ATRNL1: variants seen among roughly 807,000 people sequenced by gnomAD.
ATRNL1 encodes attractin-like protein 1.
In ATRNL1, 95 loss-of-function variants were observed where a neutral mutation model predicts 182.7. The ratio of observed to expected loss-of-function variants is 0.52; its 90% CI spans 0.44 to 0.62. ATRNL1 has a LOEUF of 0.62. Among genes scored for constraint, ATRNL1 ranks in the 20% least tolerant of loss-of-function variants. The probability of loss-of-function intolerance (pLI) is 0.00; values close to 1 mark genes in which losing one functional copy is unlikely to be tolerated. For missense variants in ATRNL1, 1,471 were observed against 1,679.5 expected, an observed-to-expected ratio of 0.88 and a Z score of 2.17; for synonymous variants, 576 against 568.3, an observed-to-expected ratio of 1.01 and a Z score of -0.19.
At chr10:115,856,492 G>A (rs1249751005) in intron 28 of ATRNL1, among the ~76,000 whole-genome samples, 1 of 141,346 alleles carries the variant, frequency 7.1e-6, no homozygotes, top group Non-Finnish European at 1.5e-5. Flanking sequence ...TTTGCACCAT[G>A]CTGTCCTTTG....
chr10:115,730,221 C>T (rs1038655604), intron 27 of ATRNL1, among the ~76,000 whole-genome samples: 1 of 127,720 alleles, frequency 7.8e-6, no homozygotes, highest in Non-Finnish European at 1.6e-5. Context: ...TGCACCACTG[C>T]ACTCCAGCCT....
intron 8 of ATRNL1, among the ~76,000 whole-genome samples, chr10:115,185,237 G>C (rs1375680136): frequency 6.6e-6 from 1 of 152,000 alleles, no homozygotes; most frequent in East Asian, 1.9e-4. Context: ...GTAGTAGTGA[G>C]CACACTGAGC....
rs551305158 is a variant in ATRNL1 at position 115,738,274 on chromosome 10, G to A, written c.3903+10919G>A. On this transcript the variant is annotated intron_variant, in intron 27 of 28. Transcript: ENST00000355044. The stretch of plus-strand genomic sequence containing the variant: ...CTGCCTCAGCCCCAGTCTGTAGCTG[G>A]GGTTATAGACACCCACTACAATGCC... Among the ~76,000 whole-genome samples the A allele has an allele frequency of 8.6e-3, 1,293 of 150,860 alleles. 25 individuals are homozygous for A. Among genetic ancestry groups the A allele is most frequent in the African/African-American group, 0.03 (1,234 of 41,062 alleles).
chr10:115,225,878 A>C (rs1405119806), intron 9 of ATRNL1, among the ~76,000 whole-genome samples: 1 of 150,914 alleles, frequency 6.6e-6, no homozygotes, highest in Non-Finnish European at 1.5e-5. Flanking sequence ...GTGATTCTAA[A>C]ATTTATACAA....
rs376949539 is a variant in ATRNL1, at chr10:115,394,782, G to A, written c.3269+30G>A. The A allele has an allele frequency of 1.1e-4, 163 of 1,495,876 alleles. 1 individual carries two copies. The South Asian group carries it at 1.5e-3, about 13-fold the overall frequency. The allele number at this position is 1,495,876 out of a possible 1,614,324, so 92.7% of individuals were successfully genotyped here. On this transcript the variant is annotated intron_variant, in intron 20 of 28. Coordinates refer to ENST00000355044, the MANE Select transcript of ATRNL1 (RefSeq NM_207303.4). ...GTAAGAATGACTTTTTAGAACTTTC[G>A]TGGATTGAATTTGTGTTGTTGAAGT...
intron 5 of ATRNL1, among the ~76,000 whole-genome samples, chr10:115,138,043 G>T (rs903526215): frequency 6.6e-6 from 1 of 152,220 alleles, no homozygotes; most frequent in Admixed American, 6.5e-5. Context: ...CCTCATGCAA[G>T]TCTGAAATCC....
chr10:115,175,010 A>AT (rs1308759159), intron 8 of ATRNL1, among the ~76,000 whole-genome samples: 1 of 151,922 alleles, frequency 6.6e-6, no homozygotes, highest in Non-Finnish European at 1.5e-5. Context: ...CACGGAGCAT[A>AT]TTTTTAAAAA....
chr10:115,424,118 G>A (rs907420362), intron 20 of ATRNL1, among the ~76,000 whole-genome samples: 6 of 152,122 alleles, frequency 3.9e-5, no homozygotes, highest in Admixed American at 2.0e-4. Flanking sequence ...GTGGACAAAA[G>A]ATCTGAATAG....
chr10:115,286,118 A>G (rs1183378691), intron 14 of ATRNL1, 98 bp from the exon 15 acceptor site: 3 of 616,676 alleles, frequency 4.9e-6, no homozygotes, highest in Non-Finnish European at 8.5e-6. Context: ...TTTTATTTCA[A>G]AAATAATTTA....
intron 26 of ATRNL1, among the ~76,000 whole-genome samples, chr10:115,658,058 A>G (rs1236240621): frequency 2.0e-5 from 3 of 146,518 alleles, no homozygotes; most frequent in Non-Finnish European, 3.0e-5. Context: ...ATATTGTATA[A>G]TTCTCAATTT....
chr10:115,418,981 A>ATTCTTT, intron 20 of ATRNL1, among the ~76,000 whole-genome samples: 1 of 152,200 alleles, frequency 6.6e-6, no homozygotes, highest in Non-Finnish European at 1.5e-5. Flanking sequence ...GAATACTTAC[A>ATTCTTT]TTGATTGTTA....
intron 5 of ATRNL1, among the ~76,000 whole-genome samples, chr10:115,130,994 T>C (rs1845207569): frequency 6.6e-6 from 1 of 152,116 alleles, no homozygotes. Context: ...CTTTATTTTG[T>C]GTAAGTCTTG....
chr10:115,135,291 C>A (rs1473374113), intron 5 of ATRNL1, among the ~76,000 whole-genome samples: 20 of 152,182 alleles, frequency 1.3e-4, no homozygotes, highest in African/African-American at 4.8e-4. Flanking sequence ...AAAACCCCAT[C>A]ATCTCAGCCC....
At chr10:115,918,833 G>T (rs1952958124) in intron 28 of ATRNL1, among the ~76,000 whole-genome samples, 1 of 152,186 alleles carries the variant, frequency 6.6e-6, no homozygotes, top group Non-Finnish European at 1.5e-5. Flanking sequence ...GGGATGAACA[G>T]AATTTGGATA....
intron 26 of ATRNL1, among the ~76,000 whole-genome samples, chr10:115,653,338 T>A (rs559277763): frequency 6.7e-4 from 102 of 152,208 alleles, no homozygotes; most frequent in Non-Finnish European, 1.3e-3. Context: ...CATTAGCATC[T>A]AGTACAAGGC....
chr10:115,636,736 C>G (rs542038919), intron 26 of ATRNL1, among the ~76,000 whole-genome samples: 12 of 152,038 alleles, frequency 7.9e-5, no homozygotes, highest in African/African-American at 2.9e-4. Flanking sequence ...AAAACATAAG[C>G]CTCAAAAACT....
chr10:115,454,559 G>C (rs547956943), intron 21 of ATRNL1, among the ~76,000 whole-genome samples: 1 of 151,942 alleles, frequency 6.6e-6, no homozygotes, highest in Non-Finnish European at 1.5e-5. Flanking sequence ...TTATTTATTT[G>C]TGTTTAATTT....
intron 19 of ATRNL1, among the ~76,000 whole-genome samples, chr10:115,358,845 A>C (rs888051693): frequency 7.9e-5 from 12 of 151,620 alleles, no homozygotes; most frequent in African/African-American, 2.7e-4. Context: ...AATATTGCAC[A>C]TCCATTGTCC....
At chr10:115,214,818 G>C (rs1554895819) in intron 8 of ATRNL1, among the ~76,000 whole-genome samples, 3 of 152,034 alleles carry the variant, frequency 2.0e-5, no homozygotes, top group Non-Finnish European at 4.4e-5. Flanking sequence ...AAACTGCATT[G>C]GGAAATGAAT....
Sources: gnomAD v4.1 joint callset for allele counts (sites outside exome capture counted in the v4.1 genomes callset) on GRCh38, gnomAD v4.1.1 for gene constraint, MANE v1.5 for transcripts, NCBI Gene and HGNC (gene_info 2026-07-23, HGNC 2026-07-21) for gene names.